The following DSG4 variants were observed in gnomAD, a reference collection of about 807,000 sequenced individuals.
The protein encoded by DSG4 is desmoglein-4.
In DSG4, 87 loss-of-function variants were observed where a neutral mutation model predicts 93.1. The observed-to-expected ratio is 0.93, with a 90% CI of 0.79 to 1.12. DSG4 has a LOEUF of 1.12. Among genes scored for constraint, DSG4 ranks in the 50% most tolerant of loss-of-function variants. The pLI is 0.00. For missense variants in DSG4, 1,373 were observed against 1,285.7 expected, an observed-to-expected ratio of 1.07 and a Z score of -1.04; for synonymous variants, 432 against 452.9, an observed-to-expected ratio of 0.95 and a Z score of 0.59.
intron 3 of DSG4, among the ~76,000 whole-genome samples, chr18:31,388,004 G>C (rs550115420): frequency 6.6e-6 from 1 of 152,204 alleles, no homozygotes; most frequent in South Asian, 2.1e-4. Flanking sequence ...TTATTAATAT[G>C]ACACAAGTTA....
At chr18:31,397,801 T>G (rs2144191915) in intron 8 of DSG4, among the ~76,000 whole-genome samples, 1 of 152,120 alleles carries the variant, frequency 6.6e-6, no homozygotes, top group South Asian at 2.1e-4. Context: ...CCAAGGCAGG[T>G]GGATCACCCA....
rs1251256657 is a variant in DSG4 at position 31,406,140 on chromosome 18, TG to T, written c.1702del (p.Val568Ter). The T allele has an allele frequency of 8.1e-6, 13 of 1,614,044 alleles. No individual in the cohort carries two copies. The highest frequency in any genetic ancestry group is 9.3e-6 in the Non-Finnish European group (11 of 1,180,032). The stretch of plus-strand genomic sequence containing the variant: ...CCAGGATTTTATGAAATCCCAATCC[TG>T]GTGAAGGACAGCTATAACAGAGCAT... ...LSPGFYEIPI[L>X]VKDSYNRACE... On this transcript the variant is annotated frameshift_variant, in exon 12 of 16. Coordinates refer to ENST00000308128, the MANE Select transcript of DSG4 (RefSeq NM_177986.5). LOFTEE classifies it high-confidence loss of function.
intron 12 of DSG4, among the ~76,000 whole-genome samples, chr18:31,409,122 A>G (rs1053225062): frequency 2.6e-5 from 4 of 152,168 alleles, no homozygotes; most frequent in African/African-American, 9.7e-5. Context: ...CGTTTAACTT[A>G]CATGTATGTG....
rs992205265 is a variant in DSG4 at position 31,400,864 on chromosome 18, T to A, written c.1278-17T>A. On this transcript the variant is annotated splice_polypyrimidine_tract_variant and intron_variant, in intron 9 of 15. Transcript: ENST00000308128. Reference sequence around the variant, plus strand: ...TTTCATAAAAGCATGATAACGAACTTTTTTATTTAAAAACAGATATATCAT... The same window carrying A: ...TTTCATAAAAGCATGATAACGAACTATTTTATTTAAAAACAGATATATCAT... 1 of 1,610,938 alleles carries A rather than the reference T, an allele frequency of 6.2e-7. No individual in the cohort carries two copies.
intron 8 of DSG4, among the ~76,000 whole-genome samples, chr18:31,395,971 C>T (rs866721790): frequency 4.6e-5 from 7 of 152,190 alleles, no homozygotes; most frequent in Non-Finnish European, 7.4e-5. Flanking sequence ...GTGTTAAGGA[C>T]ATGAAGGCAA....
intron 15 of DSG4, among the ~76,000 whole-genome samples, chr18:31,412,298 T>C (rs1378029076): frequency 6.6e-6 from 1 of 152,190 alleles, no homozygotes. Context: ...TTCTCACTCA[T>C]CTGTGGAAGC....
chr18:31,388,084 A>T (rs949824412), intron 3 of DSG4, among the ~76,000 whole-genome samples: 1 of 152,152 alleles, frequency 6.6e-6, no homozygotes, highest in Non-Finnish European at 1.5e-5. Flanking sequence ...AAAATCAGAG[A>T]ATTGAACAAT....
chr18:31,399,344 T>C lies in DSG4; in HGVS notation c.1078T>C (p.Ser360Pro). Residue 360 changes from serine (S) to proline (P), a missense_variant, in exon 9 of 16, where the codon TCC (serine) becomes CCC (proline). Physicochemically the swap from Ser to Pro is moderately conservative, Grantham distance 74. Coordinates refer to ENST00000308128, the MANE Select transcript of DSG4 (RefSeq NM_177986.5). The stretch of plus-strand genomic sequence containing the variant: ...TAAAAACCAAGCTGATTTTCACTAC[T>C]CCGTTGCTTCTCAATTCCAAATGCA... ...GVKNQADFHY[S>P]VASQFQMHPT... 2.5e-6 allele frequency: 4 copies of C among 1,614,100 alleles called. No homozygotes were observed. Among genetic ancestry groups the C allele is most frequent in the Non-Finnish European group, 3.4e-6 (4 of 1,179,958 alleles).
In DSG4 at chr18:31,411,256, C is replaced by T. The variant is rs531235718; in HGVS notation, c.2163C>T (p.Ala721=). 1.1e-4 allele frequency: 179 copies of T among 1,614,122 alleles called. No homozygotes were observed. In the South Asian group the frequency reaches 1.9e-3, roughly 17 times the overall value. The change falls in exon 15 of 16, where the codon GCC becomes GCT. Residue 721 remains alanine, a synonymous_variant. Coordinates refer to ENST00000308128, the MANE Select transcript of DSG4 (RefSeq NM_177986.5). Reference sequence around the variant, plus strand: ...AAATCTACACCAACACCTATGCAGCCGGGGGCACGGTGGAAGGAGGTGTAT... The same window carrying T: ...AAATCTACACCAACACCTATGCAGCTGGGGGCACGGTGGAAGGAGGTGTAT... ...SSEIYTNTYA[A]GGTVEGGVSG...
intron 1 of DSG4, among the ~76,000 whole-genome samples, chr18:31,380,988 T>A (rs1253387887): frequency 6.6e-6 from 1 of 152,182 alleles, no homozygotes; most frequent in Non-Finnish European, 1.5e-5. Context: ...TTCTAAAAGT[T>A]AGATGACAAT....
At chr18:31,389,568 T>C (rs73410279) in intron 5 of DSG4, among the ~76,000 whole-genome samples, 3,154 of 152,206 alleles carry the variant, frequency 0.021, 104 homozygotes, top group African/African-American at 0.072. Context: ...TCCTTTATAT[T>C]AATTCTCCTG....
intron 3 of DSG4, among the ~76,000 whole-genome samples, chr18:31,387,606 T>C (rs1319114659): frequency 6.6e-6 from 1 of 152,132 alleles, no homozygotes; most frequent in East Asian, 1.9e-4. Flanking sequence ...TTTCTCTGCA[T>C]TTTGGGAGGT....
At chr18:31,399,145 A>G (rs2072336284) in intron 8 of DSG4, 127 bp from the exon 9 acceptor site, 2 of 1,288,072 alleles carry the variant, frequency 1.6e-6, no homozygotes, top group Non-Finnish European at 2.2e-6. Flanking sequence ...ATTTTTTTCA[A>G]TTCAAAATCT....
At chr18:31,378,862 C>T (rs1598731716) in intron 1 of DSG4, among the ~76,000 whole-genome samples, 2 of 152,256 alleles carry the variant, frequency 1.3e-5, no homozygotes, top group East Asian at 1.9e-4. Context: ...GACATGCCTA[C>T]TTCTCTTTAA....
Position 31,376,873 on chromosome 18 carries a change from G to A in DSG4, c.-39G>A. 1 of 1,612,526 alleles carries A rather than the reference G, an allele frequency of 6.2e-7. No individual in the cohort carries two copies. The highest frequency in any genetic ancestry group is 8.5e-7 in the Non-Finnish European group (1 of 1,178,822). ...AACTGAGAAGACGAGGGCTCAAATT[G>A]AATCTCACAGGATTTGCGTGCAAGA... On this transcript the variant is annotated 5_prime_UTR_variant, in exon 1 of 16. Coordinates refer to ENST00000308128, the MANE Select transcript of DSG4 (RefSeq NM_177986.5).
At chr18:31,391,021 A>T (rs1288652673) in intron 6 of DSG4, 57 bp from the exon 7 acceptor site, 8 of 1,607,296 alleles carry the variant, frequency 5.0e-6, no homozygotes, top group African/African-American at 1.3e-5. Flanking sequence ...CATTGAATGC[A>T]TTGGATTCTA....
intron 8 of DSG4, among the ~76,000 whole-genome samples, chr18:31,398,645 T>A (rs1050139273): frequency 6.6e-6 from 1 of 152,230 alleles, no homozygotes; most frequent in Non-Finnish European, 1.5e-5. Context: ...ATTCTATTTT[T>A]TATCCAGAAT....
chr18:31,386,635 T>C (rs1343028684), intron 2 of DSG4, 53 bp from the exon 3 acceptor site: 3 of 1,608,662 alleles, frequency 1.9e-6, no homozygotes, highest in South Asian at 1.1e-5. Flanking sequence ...AAATGTCCTT[T>C]CTAAGTAAAA....
At chr18:31,408,306 G>T (rs975140122) in intron 12 of DSG4, among the ~76,000 whole-genome samples, 18 of 152,200 alleles carry the variant, frequency 1.2e-4, no homozygotes, top group African/African-American at 4.1e-4. Context: ...CTTTGTTAGA[G>T]TTCAGGCCTG....
Sources: allele counts gnomAD v4.1 joint callset (sites outside exome capture counted in the v4.1 genomes callset), GRCh38; gene constraint gnomAD v4.1.1; transcripts MANE v1.5; gene names NCBI Gene and HGNC (gene_info 2026-07-23, HGNC 2026-07-21).